PIK3IP1: variants seen among roughly 807,000 people sequenced by gnomAD.
PIK3IP1 encodes the protein phosphoinositide-3-kinase-interacting protein 1.
In PIK3IP1, 28 loss-of-function variants were observed where a neutral mutation model predicts 30.7. The observed-to-expected ratio is 0.91, with a 90% CI of 0.68 to 1.25. The LOEUF (loss-of-function observed/expected upper bound fraction) is 1.25. PIK3IP1 is among the 50% of genes most tolerant of loss of function. PIK3IP1 has a pLI of 0.00. For synonymous variants in PIK3IP1, 159 were observed against 140.8 expected (o/e 1.13, Z -0.91); for missense variants, 333 against 346.2 (o/e 0.96, Z 0.30).
chr22:31,290,937 G>T (rs191721373), intron 3 of PIK3IP1, 28 bp downstream of exon 3: 6 of 1,543,906 alleles, frequency 3.9e-6, no homozygotes, highest in African/African-American at 1.4e-5. Flanking sequence ...CGCCAGGAGC[G>T]GGGATTCCCG....
intron 5 of PIK3IP1, among the ~76,000 whole-genome samples, chr22:31,283,623 G>T (rs563569781): frequency 3.3e-5 from 5 of 151,406 alleles, no homozygotes; most frequent in African/African-American, 9.7e-5. Context: ...TTGAGACAGG[G>T]TCTCAACATG....
chr22:31,281,928 G>C lies in PIK3IP1; in HGVS notation c.*1156C>G, dbSNP rs1601456541. The C allele has an allele frequency of 2.0e-5, 3 of 152,700 alleles. No homozygotes were observed. In the East Asian group the frequency reaches 5.8e-4, roughly 29 times the overall value. 9.5% of individuals were successfully genotyped at this position (152,700 alleles called of 1,614,324 possible). A position where few individuals can be genotyped will look rare whatever the true frequency, so the allele number is the denominator to read the frequency against. ...GGCCCTGCTGAGCTGCTAGCACAGTGCAGTGGAGAAATGTTGCGCTCCGTC... is the reference window on the plus strand; with the variant it reads ...GGCCCTGCTGAGCTGCTAGCACAGTCCAGTGGAGAAATGTTGCGCTCCGTC... On this transcript the variant is annotated 3_prime_UTR_variant, in exon 6 of 6. Coordinates refer to ENST00000215912, the MANE Select transcript of PIK3IP1 (RefSeq NM_052880.5).
At position 31,291,161 on chromosome 22, in the gene PIK3IP1, T is replaced by C. The variant is rs2049174848; in HGVS notation, c.187+19A>G. On this transcript the variant is annotated intron_variant, in intron 2 of 5. Transcript: ENST00000215912. ...CCGCCGCCCGCCAGCCCCGGGGCCG[T>C]CCCCCGGAGGACACTTACCCGACAC... is the stretch of plus-strand genomic sequence containing the variant. 1 of 1,538,572 alleles carries C rather than the reference T, an allele frequency of 6.5e-7. No individual in the cohort carries two copies. Among genetic ancestry groups the C allele is most frequent in the Admixed American group, 2.1e-5 (1 of 48,374 alleles).
intron 5 of PIK3IP1, 83 bp downstream of exon 5, chr22:31,289,231 CT>C: frequency 1.4e-6 from 2 of 1,389,720 alleles, no homozygotes; most frequent in Non-Finnish European, 2.0e-6. Context: ...ATCTTGCTTC[CT>C]TTTGGGTAAG....
intron 5 of PIK3IP1, among the ~76,000 whole-genome samples, chr22:31,284,579 G>A (rs572932502): frequency 1.3e-5 from 2 of 152,224 alleles, no homozygotes; most frequent in East Asian, 3.9e-4. Flanking sequence ...CTGACCATCA[G>A]GCAGCCTAGC....
chr22:31,291,449 A>C, intron 1 of PIK3IP1, among the ~76,000 whole-genome samples, 153 bp from the exon 2 acceptor site: 1 of 143,052 alleles, frequency 7.0e-6, no homozygotes, highest in South Asian at 2.3e-4. Context: ...CTCTCGTGGC[A>C]ACACCCCCAC....
At chr22:31,291,710 G>A (rs1451604208) in intron 1 of PIK3IP1, among the ~76,000 whole-genome samples, 1 of 152,130 alleles carries the variant, frequency 6.6e-6, no homozygotes, top group Non-Finnish European at 1.5e-5. Context: ...GGGGCGCCCA[G>A]ACGTGACATT....
At chr22:31,288,929 G>C (rs984237023) in intron 5 of PIK3IP1, 4 of 401,986 alleles carry the variant, frequency 1.0e-5, no homozygotes, top group Non-Finnish European at 1.3e-5. Context: ...CCTGCAATCA[G>C]TGTCAAGCCT....
chr22:31,283,860 CAG>C (rs2123884467), intron 5 of PIK3IP1, among the ~76,000 whole-genome samples: 2 of 152,212 alleles, frequency 1.3e-5, no homozygotes, highest in East Asian at 3.9e-4. Flanking sequence ...GACAGCCTCC[CAG>C]AGATGCTTAT....
In PIK3IP1 at chr22:31,291,263, T is replaced by G. The variant is rs1397375398; in HGVS notation, c.104A>C (p.Glu35Ala). ...GCCCGGCGCGGGGGAGGTCTGGTCCTCCCGGTACAGGTGGCCGTTGTCCCA... is the reference window on the plus strand; with the variant it reads ...GCCCGGCGCGGGGGAGGTCTGGTCCGCCCGGTACAGGTGGCCGTTGTCCCA... ...CFWDNGHLYR[E>A]DQTSPAPGLR... The change falls in exon 2 of 6, where the codon GAG (glutamate) becomes GCG (alanine). Residue 35 changes from glutamate to alanine, a missense_variant. Coordinates refer to ENST00000215912, the MANE Select transcript of PIK3IP1 (RefSeq NM_052880.5). 6.4e-7 allele frequency: 1 copy of G among 1,555,078 alleles called. No homozygotes were observed. The highest frequency in any genetic ancestry group is 8.7e-7 in the Non-Finnish European group (1 of 1,150,016).
intron 5 of PIK3IP1, 65 bp downstream of exon 5, chr22:31,289,250 C>A (rs774326997): frequency 1.3e-6 from 2 of 1,550,886 alleles, no homozygotes; most frequent in Non-Finnish European, 1.8e-6. Flanking sequence ...AAGAAAGCCA[C>A]AAAGTTTGAC....
chr22:31,283,115 AG>A lies in PIK3IP1; in HGVS notation c.760del (p.Met255TrpfsTer41), dbSNP rs1332748442. 15 of 1,610,878 alleles carry A rather than the reference AG, an allele frequency of 9.3e-6. No homozygotes were observed. In the East Asian group the frequency reaches 1.1e-4, roughly 12 times the overall value. Reference sequence around the variant, plus strand: ...CCCAGGAGTCCCGGCCTGGCCCATAAGGGGGGTGGTGCCCTCCTGAGGGTCA... The same window carrying A: ...CCCAGGAGTCCCGGCCTGGCCCATAAGGGGGTGGTGCCCTCCTGAGGGTCA... ...PVDPQEGTTP[L>X]MGQAGTPGA On this transcript the variant is annotated frameshift_variant, in exon 6 of 6. Coordinates refer to ENST00000215912, the MANE Select transcript of PIK3IP1 (RefSeq NM_052880.5). LOFTEE classifies it high-confidence loss of function.
At chr22:31,290,724 C>T in intron 3 of PIK3IP1, 2 of 525,628 alleles carry the variant, frequency 3.8e-6, no homozygotes, top group Non-Finnish European at 6.4e-6. Context: ...GAGACCTAGC[C>T]TCACCCCAGC....
At chr22:31,283,400 A>T in intron 5 of PIK3IP1, 112 bp from the exon 6 acceptor site, 13 of 1,148,232 alleles carry the variant, frequency 1.1e-5, no homozygotes, top group Non-Finnish European at 1.6e-5. Context: ...TGTCACAACA[A>T]ATCAGTGGCT....
chr22:31,283,579 G>C (rs574644247), intron 5 of PIK3IP1, among the ~76,000 whole-genome samples: 1 of 151,706 alleles, frequency 6.6e-6, no homozygotes, highest in Non-Finnish European at 1.5e-5. Flanking sequence ...TGAAAATAAA[G>C]TAAAGGACAG....
chr22:31,289,675 G>T lies in PIK3IP1; in HGVS notation c.332C>A (p.Ala111Asp). 6 of 1,552,978 alleles carry T rather than the reference G, an allele frequency of 3.9e-6. No homozygotes were observed. The highest frequency in any genetic ancestry group is 5.2e-6 in the Non-Finnish European group (6 of 1,147,452). The stretch of plus-strand genomic sequence containing the variant: ...CGCTTCCTGGATTTCTGTCGTGAAG[G>T]CTGGCAGGGCCTGGGAGGTGGTCTC... ...CPETTSQALP[A>D]FTTEIQEASE... Residue 111 changes from alanine to aspartate, a missense_variant, in exon 4 of 6, where the codon GCC becomes GAC. Around this residue, in one of 3 missense-constraint regions of PIK3IP1, gnomAD observed 217 missense variants for 227.7 expected, o/e 0.95. Transcript: ENST00000215912.
intron 3 of PIK3IP1, chr22:31,289,997 T>C (rs1601462322): frequency 3.0e-6 from 1 of 336,044 alleles, no homozygotes; most frequent in East Asian, 5.4e-5. Context: ...TGCGTTCTTC[T>C]GCAGGGGATT....
intron 5 of PIK3IP1, among the ~76,000 whole-genome samples, chr22:31,287,927 C>T (rs111494455): frequency 0.037 from 5,587 of 152,186 alleles, 148 homozygotes; most frequent in South Asian, 0.086. Flanking sequence ...GTGCTTCAAG[C>T]AGTGTCTGGC....
chr22:31,285,514 T>C (rs753346255), intron 5 of PIK3IP1, among the ~76,000 whole-genome samples: 5 of 152,134 alleles, frequency 3.3e-5, no homozygotes, highest in Non-Finnish European at 5.9e-5. Flanking sequence ...TTTTAGGAAA[T>C]AGAGTTGGGA....
Sources: gnomAD v4.1 joint callset for allele counts (sites outside exome capture counted in the v4.1 genomes callset) on GRCh38, gnomAD v4.1.1 for gene constraint, gnomAD v4.1.1 regional missense constraint, MANE v1.5 for transcripts, NCBI Gene and HGNC (gene_info 2026-07-23, HGNC 2026-07-21) for gene names.